The following FAM53B variants were observed in gnomAD, a reference collection of about 807,000 sequenced individuals.
The protein encoded by FAM53B is protein FAM53B.
FAM53B carries 12 observed loss-of-function variants against 32.7 expected under a neutral mutation model. The observed-to-expected ratio is 0.37, with a 90% CI of 0.24 to 0.59. The LOEUF (loss-of-function observed/expected upper bound fraction) is 0.59. FAM53B is among the 20% of genes least tolerant of loss of function. FAM53B has a pLI of 0.72. For missense variants in FAM53B, 477 were observed against 577.7 expected, an observed-to-expected ratio of 0.83 and a Z score of 1.79; for synonymous variants, 234 against 228.7, an observed-to-expected ratio of 1.02 and a Z score of -0.21.
intron 4 of FAM53B, among the ~76,000 whole-genome samples, chr10:124,661,270 G>A (rs143436058): frequency 9.9e-5 from 15 of 152,070 alleles, no homozygotes; most frequent in African/African-American, 2.9e-4. Context: ...GAGGTGTGTC[G>A]CATCCCACAC....
At chr10:124,722,321 T>A in intron 1 of FAM53B, among the ~76,000 whole-genome samples, 1 of 152,188 alleles carries the variant, frequency 6.6e-6, no homozygotes. Flanking sequence ...TGTGTCAATT[T>A]AAATTTTAAT....
chr10:124,636,482 C>T (rs1486199855), intron 4 of FAM53B, among the ~76,000 whole-genome samples: 13 of 152,214 alleles, frequency 8.5e-5, no homozygotes, highest in Non-Finnish European at 1.6e-4. Context: ...GGTGGTTAGC[C>T]GGGTGGCTTT....
intron 1 of FAM53B, among the ~76,000 whole-genome samples, chr10:124,707,164 C>G (rs529262508): frequency 6.6e-6 from 1 of 152,322 alleles, no homozygotes; most frequent in East Asian, 1.9e-4. Flanking sequence ...TAAGATCTAT[C>G]TCAGGGTCTG....
intron 4 of FAM53B, among the ~76,000 whole-genome samples, chr10:124,627,347 G>A (rs753920725): frequency 6.6e-6 from 1 of 152,218 alleles, no homozygotes; most frequent in African/African-American, 2.4e-5. Flanking sequence ...GCTACCCCAT[G>A]GAAGAACACT....
At chr10:124,741,287 T>C (rs1419571436) in intron 1 of FAM53B, among the ~76,000 whole-genome samples, 1 of 152,220 alleles carries the variant, frequency 6.6e-6, no homozygotes. Context: ...AGTCTTTTTA[T>C]TTAAGGACAA....
intron 1 of FAM53B, among the ~76,000 whole-genome samples, chr10:124,731,632 G>C (rs560497716): frequency 1.6e-4 from 24 of 149,876 alleles, no homozygotes; most frequent in African/African-American, 5.9e-4. Context: ...TCCTGTTCCA[G>C]ACACTGTTCT....
chr10:124,733,983 G>A lies in FAM53B; in HGVS notation c.-175+10030C>T, dbSNP rs1950160817. ...GACACCTGCTCTCCTGGTCTCGAAT[G>A]TCTCCTCCTCCCCGTTCTTCATCTG... On this transcript the variant is annotated intron_variant, in intron 1 of 4. Transcript: ENST00000337318. The surrounding 1 kb of genome is among the most constrained non-coding windows in gnomAD (Gnocchi z 4.3). Among the ~76,000 whole-genome samples, 1 of 152,168 alleles carries A rather than the reference G, an allele frequency of 6.6e-6. No individual in the cohort carries two copies. The highest frequency in any genetic ancestry group is 6.5e-5 in the Admixed American group (1 of 15,286).
chr10:124,730,374 G>C (rs1207434757), intron 1 of FAM53B, among the ~76,000 whole-genome samples: 5 of 152,216 alleles, frequency 3.3e-5, no homozygotes, highest in Non-Finnish European at 7.3e-5. Flanking sequence ...GGCTGCAGAG[G>C]GGCATGGTGG....
At chr10:124,704,466 G>C (rs571409035) in intron 2 of FAM53B, 3 of 152,398 alleles carry the variant, frequency 2.0e-5, no homozygotes, top group African/African-American at 7.2e-5. Context: ...GTGTGGTGGG[G>C]GTAAGGGGTG....
intron 1 of FAM53B, among the ~76,000 whole-genome samples, chr10:124,736,633 T>C (rs181146378): frequency 0.023 from 3,536 of 152,374 alleles, 63 homozygotes; most frequent in Non-Finnish European, 0.034. Flanking sequence ...GGGCTTTGTC[T>C]GTCAGGGTGC....
intron 1 of FAM53B, among the ~76,000 whole-genome samples, chr10:124,727,115 C>T (rs1950109302): frequency 1.3e-5 from 2 of 152,250 alleles, no homozygotes; most frequent in African/African-American, 4.8e-5. Flanking sequence ...GCCTCCCAGG[C>T]TCAAGCGATC....
rs1025777154 is a variant in FAM53B at position 124,696,090 on chromosome 10, C to T, written c.133+68G>A. 2.0e-5 allele frequency: 26 copies of T among 1,291,852 alleles called. No individual in the cohort carries two copies. The African/African-American group carries it at 3.4e-4, about 17-fold the overall frequency. 80.0% of individuals were successfully genotyped at this position (1,291,852 alleles called of 1,614,324 possible). ...TCCAGAAAGTGCTTTGAGTGTCTCA[C>T]CTGGAGGACTCAGACCCTGGCTGGA... is the stretch of plus-strand genomic sequence containing the variant. On this transcript the variant is annotated intron_variant, in intron 3 of 4. Transcript: ENST00000337318.
intron 4 of FAM53B, among the ~76,000 whole-genome samples, chr10:124,633,826 T>C (rs1178811679): frequency 1.3e-5 from 2 of 151,810 alleles, no homozygotes; most frequent in Non-Finnish European, 2.9e-5. Flanking sequence ...ATCAAAGTAC[T>C]AGAAGAAAAC....
intron 2 of FAM53B, chr10:124,704,433 G>GA (rs1949936354): frequency 6.6e-6 from 1 of 152,342 alleles, no homozygotes; most frequent in South Asian, 2.1e-4. Flanking sequence ...GCCCAAGAGG[G>GA]AAAAAGGAAA....
At chr10:124,643,438 C>A (rs1026922509) in intron 4 of FAM53B, among the ~76,000 whole-genome samples, 2 of 152,218 alleles carry the variant, frequency 1.3e-5, no homozygotes, top group East Asian at 1.9e-4. Flanking sequence ...GCTCTTTCAG[C>A]GTGGCTGCAG....
chr10:124,699,980 T>C (rs1318343416), intron 2 of FAM53B, among the ~76,000 whole-genome samples: 2 of 152,224 alleles, frequency 1.3e-5, no homozygotes, highest in Admixed American at 6.5e-5. Flanking sequence ...TAGCTGGAGA[T>C]GGCCTCTGGT....
chr10:124,658,132 C>T lies in FAM53B; in HGVS notation c.906+23475G>A, dbSNP rs149623055. ...TCAGTTCCCAGGCTCACCCAGCAGA[C>T]AGTCTGGGGCAGAGACAGGGGCAGC... On this transcript the variant is annotated intron_variant, in intron 4 of 4. Transcript: ENST00000337318. Among the ~76,000 whole-genome samples the T allele has an allele frequency of 2.0e-5, 3 of 152,340 alleles. No individual in the cohort carries two copies. In the East Asian group the frequency reaches 5.8e-4, roughly 29 times the overall value.
intron 4 of FAM53B, among the ~76,000 whole-genome samples, chr10:124,658,034 C>T (rs1006368): frequency 0.13 from 20,498 of 152,186 alleles, 1,586 homozygotes; most frequent in African/African-American, 0.19. Flanking sequence ...ACCAAGACCA[C>T]GGAACTGGGT....
At chr10:124,703,222 G>T (rs1488502696) in intron 2 of FAM53B, among the ~76,000 whole-genome samples, 2 of 152,082 alleles carry the variant, frequency 1.3e-5, no homozygotes, top group Non-Finnish European at 2.9e-5. Flanking sequence ...CTAATTTTTT[G>T]TATTTTTAGC....
Sources: allele counts gnomAD v4.1 joint callset (sites outside exome capture counted in the v4.1 genomes callset), GRCh38; gene constraint gnomAD v4.1.1; non-coding constraint Gnocchi (gnomAD v3.1); transcripts MANE v1.5; gene names NCBI Gene and HGNC (gene_info 2026-07-23, HGNC 2026-07-21).